EMB: variants seen among roughly 807,000 people sequenced by gnomAD.
The protein encoded by EMB is embigin homolog.
EMB carries 31 observed loss-of-function variants against 41.4 expected under a neutral mutation model. That is an observed-to-expected ratio of 0.75 (90% confidence interval 0.56 to 1.01). The LOEUF is 1.01. Ranked by LOEUF, EMB falls within the 50% of genes least tolerant of loss-of-function variation. The pLI is 0.00. For missense variants in EMB, 379 were observed against 388.3 expected (o/e 0.98, Z 0.20); for synonymous variants, 137 against 140.4 (o/e 0.98, Z 0.17).
chr5:50,428,700 G>C (rs1230476259), intron 1 of EMB: 1 of 985,038 alleles, frequency 1.0e-6, no homozygotes, highest in African/African-American at 1.8e-5. Context: ...ATGGCTGACG[G>C]GCCAGTTTGG....
At position 50,416,083 on chromosome 5, in the gene EMB, T is replaced by C. The variant is rs1279015648; in HGVS notation, c.197-4700A>G. 3.3e-5 allele frequency among the ~76,000 whole-genome samples: 5 copies of C among 152,218 alleles called. No individual in the cohort carries two copies. In the East Asian group the frequency reaches 9.6e-4, roughly 29 times the overall value. On this transcript the variant is annotated intron_variant, in intron 2 of 8. Coordinates refer to ENST00000303221, the MANE Select transcript of EMB (RefSeq NM_198449.3). ...AGTTTGCTGTGCTTCTGCAGTTTGC[T>C]TTCCTTCCTGTCAAGAAATCACAGC...
intron 5 of EMB, among the ~76,000 whole-genome samples, chr5:50,405,118 A>G (rs1391049961): frequency 6.6e-6 from 1 of 151,970 alleles, no homozygotes; most frequent in East Asian, 1.9e-4. Flanking sequence ...AATTATTTAT[A>G]AAATACTCAT....
chr5:50,431,273 A>T (rs1745716325), intron 1 of EMB, among the ~76,000 whole-genome samples: 1 of 152,232 alleles, frequency 6.6e-6, no homozygotes, highest in Non-Finnish European at 1.5e-5. Context: ...CAACCTACAG[A>T]AGGTATTAGG....
chr5:50,401,558 G>C (rs375077769), intron 7 of EMB, among the ~76,000 whole-genome samples: 16 of 151,906 alleles, frequency 1.1e-4, no homozygotes, highest in Non-Finnish European at 1.6e-4. Flanking sequence ...CTCTGTCACT[G>C]GCCTCCATAC....
intron 1 of EMB, among the ~76,000 whole-genome samples, chr5:50,437,933 C>A (rs894222111): frequency 6.6e-6 from 1 of 152,114 alleles, no homozygotes; most frequent in Non-Finnish European, 1.5e-5. Context: ...ACTGATATAT[C>A]CTTTACAAAG....
intron 4 of EMB, among the ~76,000 whole-genome samples, chr5:50,407,861 G>C (rs1745273381): frequency 6.6e-6 from 1 of 151,898 alleles, no homozygotes; most frequent in Non-Finnish European, 1.5e-5. Flanking sequence ...AGGAAGATGG[G>C]GTTTGGATAT....
At chr5:50,428,308 C>T in intron 1 of EMB, 81 bp from the exon 2 acceptor site, 2 of 1,334,886 alleles carry the variant, frequency 1.5e-6, no homozygotes, top group Middle Eastern at 3.8e-4. Flanking sequence ...ACAGCTAAAA[C>T]ACTGTTGTGA....
chr5:50,409,083 T>TAGA lies in EMB; in HGVS notation c.472+1793_472+1794insTCT, dbSNP rs536893029. On this transcript the variant is annotated intron_variant, in intron 4 of 8. Transcript: ENST00000303221. Reference sequence around the variant, plus strand: ...AAAAAGTAAATGTTCAGTGATTCTTTGCTTTCCTTAAAGCCTTGATTTAAA... The same window carrying TAGA: ...AAAAAGTAAATGTTCAGTGATTCTTTAGAGCTTTCCTTAAAGCCTTGATTTAAA... 2.1e-3 allele frequency among the ~76,000 whole-genome samples: 315 copies of TAGA among 152,282 alleles called. 1 individual carries two copies. The highest frequency in any genetic ancestry group is 7.3e-3 in the African/African-American group (303 of 41,576).
chr5:50,411,537 C>G lies in EMB; in HGVS notation c.197-154G>C. The G allele has an allele frequency of 1.3e-5, 7 of 552,730 alleles. No individual in the cohort carries two copies. The South Asian group carries it at 2.3e-4, about 19-fold the overall frequency. The allele number at this position is 552,730 out of a possible 1,614,324, so 34.2% of individuals were successfully genotyped here. Reference sequence around the variant, plus strand: ...TTCCTCTATCAACATAGTTGGTTCCCTTTCTTATTCCCTTTTATATGCACA... The same window carrying G: ...TTCCTCTATCAACATAGTTGGTTCCGTTTCTTATTCCCTTTTATATGCACA... On this transcript the variant is annotated intron_variant, in intron 2 of 8. Coordinates refer to ENST00000303221, the MANE Select transcript of EMB (RefSeq NM_198449.3).
intron 1 of EMB, among the ~76,000 whole-genome samples, chr5:50,434,471 T>C (rs1162458093): frequency 6.6e-6 from 1 of 152,206 alleles, no homozygotes; most frequent in Non-Finnish European, 1.5e-5. Flanking sequence ...TTGAGGACTT[T>C]TTATGAAGAA....
At chr5:50,420,655 A>G (rs1745504813) in intron 2 of EMB, among the ~76,000 whole-genome samples, 1 of 152,126 alleles carries the variant, frequency 6.6e-6, no homozygotes, top group Non-Finnish European at 1.5e-5. Flanking sequence ...TGAAACATAC[A>G]CTGTATGACA....
chr5:50,417,245 A>G (rs1745444010), intron 2 of EMB, among the ~76,000 whole-genome samples: 1 of 152,218 alleles, frequency 6.6e-6, no homozygotes, highest in South Asian at 2.1e-4. Context: ...AGGCCACACT[A>G]ACATGAGGCC....
chr5:50,434,163 C>T (rs1745767139), intron 1 of EMB, among the ~76,000 whole-genome samples: 1 of 152,080 alleles, frequency 6.6e-6, no homozygotes, highest in Non-Finnish European at 1.5e-5. Flanking sequence ...TTGGGGTGTA[C>T]AATTCACCCA....
At chr5:50,417,695 C>G (rs571839277) in intron 2 of EMB, among the ~76,000 whole-genome samples, 226 of 152,290 alleles carry the variant, frequency 1.5e-3, no homozygotes, top group African/African-American at 5.2e-3. Flanking sequence ...TCCCTGGAGA[C>G]TCCCTCAAGA....
intron 2 of EMB, among the ~76,000 whole-genome samples, chr5:50,413,949 T>C (rs1276792664): frequency 6.6e-6 from 1 of 152,108 alleles, no homozygotes. Flanking sequence ...ACCTGAAGAT[T>C]ATAAGATACT....
At chr5:50,426,530 CAGACCAAAA>C (rs1745613043) in intron 2 of EMB, among the ~76,000 whole-genome samples, 3 of 152,116 alleles carry the variant, frequency 2.0e-5, no homozygotes, top group Non-Finnish European at 4.4e-5. Context: ...TGTCAAGAGC[CAGACCAAAA>C]TCTTTCTGGT....
chr5:50,433,015 T>G (rs1579744176), intron 1 of EMB, among the ~76,000 whole-genome samples: 1 of 151,952 alleles, frequency 6.6e-6, no homozygotes, highest in Admixed American at 6.6e-5. Context: ...CAGTCGGAGG[T>G]TGCAGTGAGC....
chr5:50,410,778 T>C (rs967416834), intron 4 of EMB, 99 bp downstream of exon 4: 1 of 767,764 alleles, frequency 1.3e-6, no homozygotes, highest in African/African-American at 1.9e-5. Flanking sequence ...AGCTACATTA[T>C]GTTTATTATT....
chr5:50,437,151 G>C (rs897797674), intron 1 of EMB, among the ~76,000 whole-genome samples: 1 of 152,048 alleles, frequency 6.6e-6, no homozygotes, highest in Non-Finnish European at 1.5e-5. Flanking sequence ...TATGCCTGTA[G>C]TCCCAGCCAT....
Sources: gnomAD v4.1 joint callset for allele counts (sites outside exome capture counted in the v4.1 genomes callset) on GRCh38, gnomAD v4.1.1 for gene constraint, MANE v1.5 for transcripts, NCBI Gene and HGNC (gene_info 2026-07-23, HGNC 2026-07-21) for gene names.